Variants in ERCC6L2 observed in about 807,000 individuals in gnomAD.
ERCC6L2 encodes ERCC excision repair 6 like 2, also known as DNA excision repair protein ERCC-6-like 2.
A neutral mutation model predicts 132.0 loss-of-function variants in ERCC6L2; 77 were observed. The observed-to-expected ratio is 0.58, with a 90% CI of 0.49 to 0.71. ERCC6L2 has a LOEUF of 0.71. Among genes scored for constraint, ERCC6L2 ranks in the 30% least tolerant of loss-of-function variants. The probability of loss-of-function intolerance (pLI) is 0.00; values close to 1 mark genes in which losing one functional copy is unlikely to be tolerated. For missense variants in ERCC6L2, 1,542 were observed against 1,837.6 expected (o/e 0.84, Z 2.94); for synonymous variants, 583 against 632.4 (o/e 0.92, Z 1.17).
intron 20 of ERCC6L2, among the ~76,000 whole-genome samples, chr9:96,039,876 T>A (rs1834559081): frequency 6.6e-6 from 1 of 151,940 alleles, no homozygotes; most frequent in Admixed American, 6.6e-5. Context: ...GCTGAGTCAC[T>A]CCACAGTGTC....
At chr9:96,030,904 A>T (rs1834450973) in intron 19 of ERCC6L2, among the ~76,000 whole-genome samples, 5 of 152,284 alleles carry the variant, frequency 3.3e-5, no homozygotes, top group African/African-American at 1.2e-4. Context: ...ACCAAACCGC[A>T]GTGAAGCCTT....
chr9:95,894,867 A>T (rs183193244), intron 2 of ERCC6L2, among the ~76,000 whole-genome samples: 11 of 152,246 alleles, frequency 7.2e-5, no homozygotes, highest in Admixed American at 7.2e-4. Flanking sequence ...AAATGCTGGG[A>T]TTACAGGCGT....
chr9:95,885,918 G>A (rs773016255), intron 2 of ERCC6L2, among the ~76,000 whole-genome samples: 1 of 152,208 alleles, frequency 6.6e-6, no homozygotes, highest in Non-Finnish European at 1.5e-5. Flanking sequence ...CTCAGACGGT[G>A]TGTTTTTCAG....
chr9:95,973,912 C>T (rs182372811), intron 16 of ERCC6L2, among the ~76,000 whole-genome samples: 43 of 152,278 alleles, frequency 2.8e-4, no homozygotes, highest in Admixed American at 1.0e-3. Context: ...GAGTTTCCCT[C>T]AGTTTGCATT....
chr9:96,025,414 C>T (rs898830281), intron 19 of ERCC6L2, among the ~76,000 whole-genome samples: 2 of 152,220 alleles, frequency 1.3e-5, no homozygotes, highest in African/African-American at 4.8e-5. Context: ...AACAGTGACA[C>T]TGAGTGGGTC....
At position 96,017,153 on chromosome 9, in the gene ERCC6L2, C is replaced by G. The variant is rs1834198847; in HGVS notation, c.*3950C>G. On this transcript the variant is annotated 3_prime_UTR_variant, in exon 19 of 19. Coordinates refer to ENST00000653738, the MANE Select transcript of ERCC6L2 (RefSeq NM_020207.7). ...CTTCCACCAGAGATTGCAAAGCATC[C>G]TCTGCCCAGTGCTTCTAGGAGGCCT... Among the ~76,000 whole-genome samples, 1 of 152,274 alleles carries G rather than the reference C, an allele frequency of 6.6e-6. No homozygotes were observed. The highest frequency in any genetic ancestry group is 1.5e-5 in the Non-Finnish European group (1 of 68,008).
intron 4 of ERCC6L2, 67 bp downstream of exon 4, chr9:95,907,338 G>GTTT (rs36115321): frequency 8.1e-3 from 4,411 of 543,168 alleles, no homozygotes; most frequent in South Asian, 0.015. Flanking sequence ...TATATTAAGA[G>GTTT]TTTTTTTTTT....
intron 14 of ERCC6L2, among the ~76,000 whole-genome samples, chr9:95,969,831 T>C (rs914881968): frequency 6.6e-6 from 1 of 152,190 alleles, no homozygotes; most frequent in African/African-American, 2.4e-5. Flanking sequence ...AGTGTGTCTG[T>C]ATTCTTAAGT....
intron 4 of ERCC6L2, among the ~76,000 whole-genome samples, chr9:95,907,857 C>CACCCACA: frequency 7.5e-6 from 1 of 133,740 alleles, no homozygotes; most frequent in African/African-American, 2.8e-5. Context: ...ACACACACAC[C>CACCCACA]CCCACACCCA....
intron 11 of ERCC6L2, among the ~76,000 whole-genome samples, chr9:95,939,120 A>T (rs940250515): frequency 6.6e-6 from 1 of 152,124 alleles, no homozygotes; most frequent in African/African-American, 2.4e-5. Context: ...TATTTCCTCT[A>T]CATGCCCTAA....
rs759122533 is a variant in ERCC6L2, at chr9:95,972,806, A to G, written c.3055A>G (p.Thr1019Ala). Residue 1019 changes from threonine (T) to alanine (A), a missense_variant, in exon 16 of 19, where the codon ACA becomes GCA. Thr to Ala is a moderately conservative substitution (Grantham distance 58). Coordinates refer to ENST00000653738, the MANE Select transcript of ERCC6L2 (RefSeq NM_020207.7). ...AAAAGAACTTCACAATTCTCCCAAAACAATGAACAAAACAAACCAAGTGTA... is the reference window on the plus strand; with the variant it reads ...AAAAGAACTTCACAATTCTCCCAAAGCAATGAACAAAACAAACCAAGTGTA... ...TKKELHNSPK[T>A]MNKTNQVYAA... is the part of the protein sequence containing the mutation. 7 of 1,304,666 alleles carry G rather than the reference A, an allele frequency of 5.4e-6. 1 individual carries two copies. The South Asian group carries it at 8.6e-5, about 16-fold the overall frequency. 80.8% of individuals were successfully genotyped at this position (1,304,666 alleles called of 1,614,324 possible). A position where few individuals can be genotyped will look rare whatever the true frequency, so the allele number is the denominator to read the frequency against.
chr9:95,915,229 G>A (rs1027521542), intron 4 of ERCC6L2, among the ~76,000 whole-genome samples: 5 of 152,090 alleles, frequency 3.3e-5, no homozygotes, highest in African/African-American at 7.2e-5. Flanking sequence ...TGCTACTGGG[G>A]TAACAATCAA....
intron 11 of ERCC6L2, among the ~76,000 whole-genome samples, chr9:95,930,767 G>A (rs1830299725): frequency 6.6e-6 from 1 of 151,966 alleles, no homozygotes; most frequent in Admixed American, 6.6e-5. Flanking sequence ...TGTTTTACTG[G>A]AAAATGATTC....
intron 12 of ERCC6L2, among the ~76,000 whole-genome samples, chr9:95,950,605 A>G (rs1358680562): frequency 6.6e-6 from 1 of 152,192 alleles, no homozygotes; most frequent in African/African-American, 2.4e-5. Context: ...GACTCACTTT[A>G]GGTCCAAGAA....
intron 17 of ERCC6L2, among the ~76,000 whole-genome samples, chr9:96,000,839 G>C (rs1477903141): frequency 2.6e-5 from 4 of 152,180 alleles, no homozygotes; most frequent in South Asian, 2.1e-4. Context: ...TGTCTGAAAA[G>C]TTCTTACGTG....
At chr9:95,973,658 A>G (rs1375305958) in intron 16 of ERCC6L2, among the ~76,000 whole-genome samples, 1 of 152,068 alleles carries the variant, frequency 6.6e-6, no homozygotes, top group Non-Finnish European at 1.5e-5. Context: ...CAGCATGGGA[A>G]AGACCTGCCC....
At chr9:95,997,200 A>G (rs1454195923) in intron 17 of ERCC6L2, among the ~76,000 whole-genome samples, 1 of 152,240 alleles carries the variant, frequency 6.6e-6, no homozygotes, top group Non-Finnish European at 1.5e-5. Flanking sequence ...TATCATTGAA[A>G]ACATCTTTGA....
intron 11 of ERCC6L2, among the ~76,000 whole-genome samples, chr9:95,936,019 G>A (rs1042341268): frequency 2.0e-5 from 3 of 152,092 alleles, no homozygotes; most frequent in Non-Finnish European, 4.4e-5. Flanking sequence ...AGTAAGAGAG[G>A]ACAATCAGAA....
chr9:95,878,801 C>T (rs1235964045), intron 1 of ERCC6L2, among the ~76,000 whole-genome samples: 2 of 151,618 alleles, frequency 1.3e-5, no homozygotes, highest in Non-Finnish European at 2.9e-5. Context: ...ATGATGATTT[C>T]CAGTTTCATC....
Sources: allele counts gnomAD v4.1 joint callset (sites outside exome capture counted in the v4.1 genomes callset), GRCh38; gene constraint gnomAD v4.1.1; transcripts MANE v1.5; gene names NCBI Gene and HGNC (gene_info 2026-07-23, HGNC 2026-07-21).